SYNE1: variants seen among roughly 807,000 people sequenced by gnomAD.
SYNE1 encodes the protein spectrin repeat containing nuclear envelope protein 1, also known as nesprin-1.
Under a neutral mutation model 1,111.0 loss-of-function variants are expected in SYNE1, and 616 were observed. The observed-to-expected ratio is 0.55, with a 90% CI of 0.52 to 0.59. SYNE1 has a LOEUF of 0.59. Ranked by LOEUF, SYNE1 falls within the 20% of genes least tolerant of loss-of-function variation. SYNE1 has a pLI of 0.00. For missense variants in SYNE1, 10,006 were observed against 10,417.0 expected, an observed-to-expected ratio of 0.96 and a Z score of 1.72; for synonymous variants, 3,855 against 3,825.8, an observed-to-expected ratio of 1.01 and a Z score of -0.28.
chr6:152,164,069 A>G, intron 131 of SYNE1, 94 bp downstream of exon 131: 1 of 1,549,618 alleles, frequency 6.5e-7, no homozygotes, highest in South Asian at 1.1e-5. Context: ...CTGACCTTCC[A>G]TCTCCAGGCA....
At chr6:152,165,420 A>C (rs185819273) in intron 130 of SYNE1, among the ~76,000 whole-genome samples, 1 of 152,342 alleles carries the variant, frequency 6.6e-6, no homozygotes, top group Admixed American at 6.5e-5. Flanking sequence ...GCACTGTCAT[A>C]TAAATGCTCT....
chr6:152,133,250 C>T, intron 143 of SYNE1, 26 bp downstream of exon 143: 1 of 1,602,146 alleles, frequency 6.2e-7, no homozygotes, highest in South Asian at 1.1e-5. Flanking sequence ...AGAAATGCTA[C>T]ACGATGATGT....
intron 46 of SYNE1, 39 bp from the exon 47 acceptor site, chr6:152,401,380 C>G (rs748733376): frequency 4.4e-6 from 7 of 1,580,800 alleles, no homozygotes; most frequent in Non-Finnish European, 4.3e-6. Context: ...TCTCTGAAGA[C>G]CAGAAGAATA....
chr6:152,323,462 G>A lies in SYNE1; in HGVS notation c.15917+16C>T. On this transcript the variant is annotated intron_variant, in intron 82 of 145. Transcript: ENST00000367255. ...CAAACAAACAAACAAAAGAATGAAA[G>A]TAGGTGCTTAATTACTTCAGGCACC... 2 of 1,611,138 alleles carry A rather than the reference G, an allele frequency of 1.2e-6. No homozygotes were observed. The highest frequency in any genetic ancestry group is 1.7e-6 in the Non-Finnish European group (2 of 1,179,972).
intron 40 of SYNE1, among the ~76,000 whole-genome samples, chr6:152,418,060 C>A (rs2098191713): frequency 6.6e-6 from 1 of 152,170 alleles, no homozygotes; most frequent in African/African-American, 2.4e-5. Context: ...TTAATCTTGA[C>A]AACAATGACT....
At chr6:152,475,945 C>T (rs1387191018) in intron 14 of SYNE1, among the ~76,000 whole-genome samples, 1 of 152,216 alleles carries the variant, frequency 6.6e-6, no homozygotes, top group Non-Finnish European at 1.5e-5. Context: ...CTTCCCGTGG[C>T]TTCTAAGACA....
chr6:152,358,447 G>T lies in SYNE1; in HGVS notation c.10534C>A (p.Gln3512Lys). Residue 3512 changes from glutamine to lysine, a missense_variant, in exon 66 of 146, where the codon CAA (glutamine) becomes AAA (lysine). Around this residue, in one of 7 missense-constraint regions of SYNE1, gnomAD observed 4,955 missense variants for 5,017.2 expected, o/e 0.99. Transcript: ENST00000367255. ...ACTGAATACTGGTCGAGCTTTTCTTGTTCTTGCCCCAACCAAACTTCAAAT... is the reference window on the plus strand; with the variant it reads ...ACTGAATACTGGTCGAGCTTTTCTTTTTCTTGCCCCAACCAAACTTCAAAT... ...KAFEVWLGQEQEKLDQYSVLE... is the reference protein window; with the variant it reads ...KAFEVWLGQEKEKLDQYSVLE... 2 of 1,614,172 alleles carry T rather than the reference G, an allele frequency of 1.2e-6. No individual in the cohort carries two copies. The highest frequency in any genetic ancestry group is 1.7e-6 in the Non-Finnish European group (2 of 1,180,024).
chr6:152,407,353 C>T (rs1401781908), intron 44 of SYNE1, among the ~76,000 whole-genome samples, 157 bp from the exon 45 acceptor site: 4 of 152,158 alleles, frequency 2.6e-5, no homozygotes, highest in Admixed American at 6.5e-5. Context: ...ACCCAACTCA[C>T]GTAAATGCTA....
chr6:152,512,964 C>G (rs2099093010), intron 6 of SYNE1, among the ~76,000 whole-genome samples: 1 of 152,148 alleles, frequency 6.6e-6, no homozygotes, highest in East Asian at 1.9e-4. Context: ...GATGTTGAGC[C>G]AGATGTTCTC....
intron 137 of SYNE1, chr6:152,145,638 G>GA (rs1161498272): frequency 2.5e-5 from 31 of 1,262,614 alleles, no homozygotes; most frequent in Non-Finnish European, 3.5e-5. Context: ...TTTCCTAGGG[G>GA]AAAAAAAGGA....
chr6:152,628,575 G>A (rs112976809), intron 2 of SYNE1, 21 bp from the exon 3 acceptor site: 14 of 521,932 alleles, frequency 2.7e-5, no homozygotes, highest in Non-Finnish European at 4.1e-5. Flanking sequence ...AAAAAGAAAA[G>A]GTACAACATA....
intron 78 of SYNE1, among the ~76,000 whole-genome samples, chr6:152,329,136 CTCTTT>C (rs1196061776): frequency 1.3e-5 from 2 of 152,316 alleles, no homozygotes; most frequent in Non-Finnish European, 2.9e-5. Context: ...CATTTATCAT[CTCTTT>C]TAAGGTGAGA....
At chr6:152,192,695 A>G (rs527553999) in intron 127 of SYNE1, among the ~76,000 whole-genome samples, 175 of 151,880 alleles carry the variant, frequency 1.2e-3, no homozygotes, top group African/African-American at 4.1e-3. Context: ...GCTGTTCTCA[A>G]ACATATAAAT....
intron 142 of SYNE1, chr6:152,134,476 C>A (rs2056593180): frequency 6.5e-6 from 1 of 152,906 alleles, no homozygotes; most frequent in Non-Finnish European, 1.5e-5. Context: ...CGAGACCAGC[C>A]TGGCCAACAT....
chr6:152,392,186 A>G (rs2097653295), intron 51 of SYNE1, among the ~76,000 whole-genome samples: 2 of 152,112 alleles, frequency 1.3e-5, no homozygotes, highest in Middle Eastern at 3.4e-3. Context: ...AAAGCCTTTC[A>G]CTTTCTAAAA....
intron 3 of SYNE1, among the ~76,000 whole-genome samples, chr6:152,586,646 A>T (rs1250395413): frequency 8.8e-6 from 1 of 113,492 alleles, no homozygotes; most frequent in Non-Finnish European, 1.8e-5. Flanking sequence ...ATATACAAAC[A>T]TACTCTCATA....
At chr6:152,284,579 C>A (rs2094216301) in intron 95 of SYNE1, among the ~76,000 whole-genome samples, 1 of 147,594 alleles carries the variant, frequency 6.8e-6, no homozygotes, top group Non-Finnish European at 1.5e-5. Flanking sequence ...CTGCTTGAAG[C>A]TGGGACTGGT....
chr6:152,165,974 G>A (rs2063570529), intron 130 of SYNE1, among the ~76,000 whole-genome samples: 1 of 152,214 alleles, frequency 6.6e-6, no homozygotes, highest in Non-Finnish European at 1.5e-5. Flanking sequence ...GAAGAGGCCT[G>A]AAGAATGGCA....
rs188434033 is a variant in SYNE1, at chr6:152,454,346, T to C, written c.2893-626A>G. 1.5e-4 allele frequency among the ~76,000 whole-genome samples: 23 copies of C among 152,268 alleles called. No individual in the cohort carries two copies. The East Asian group carries it at 4.4e-3, about 29-fold the overall frequency. On this transcript the variant is annotated intron_variant, in intron 24 of 145. Coordinates refer to ENST00000367255, the MANE Select transcript of SYNE1 (RefSeq NM_182961.4). ...TTAGGTTCAGATGAGGTCATGGGGA[T>C]GGGGTCCTCATGATAGGATTAGTGC...
Sources: allele counts gnomAD v4.1 joint callset (sites outside exome capture counted in the v4.1 genomes callset), GRCh38; gene constraint gnomAD v4.1.1; regional missense constraint gnomAD v4.1.1; transcripts MANE v1.5; gene names NCBI Gene and HGNC (gene_info 2026-07-23, HGNC 2026-07-21).